The following OSBPL1A variants were observed in gnomAD, a reference collection of about 807,000 sequenced individuals.
The protein encoded by OSBPL1A is oxysterol-binding protein-related protein 1.
In OSBPL1A, 80 loss-of-function variants were observed where a neutral mutation model predicts 137.1. The ratio of observed to expected loss-of-function variants is 0.58; its 90% confidence interval spans 0.49 to 0.70. OSBPL1A has a LOEUF of 0.70. Among genes scored for constraint, OSBPL1A ranks in the 30% least tolerant of loss-of-function variants. The pLI is 0.00. For synonymous variants in OSBPL1A, 365 were observed against 389.7 expected (o/e 0.94, Z 0.75); for missense variants, 970 against 1,129.4 (o/e 0.86, Z 2.02).
intron 1 of OSBPL1A, among the ~76,000 whole-genome samples, chr18:24,393,688 C>T (rs1405841773): frequency 2.0e-5 from 3 of 152,174 alleles, no homozygotes; most frequent in African/African-American, 7.2e-5. Context: ...CTCCTGACCT[C>T]GTGATCCGCC....
intron 15 of OSBPL1A, chr18:24,272,333 C>T: frequency 1.0e-6 from 1 of 960,436 alleles, no homozygotes; most frequent in Non-Finnish European, 1.2e-6. Context: ...TCCTGCCTGT[C>T]ACTTACTCCG....
intron 1 of OSBPL1A, among the ~76,000 whole-genome samples, chr18:24,389,465 T>C (rs1216535273): frequency 6.6e-6 from 1 of 152,208 alleles, no homozygotes; most frequent in African/African-American, 2.4e-5. Context: ...TACTTGATAG[T>C]CTATGCCACT....
In OSBPL1A at chr18:24,366,916, A is replaced by T; in HGVS notation, c.258T>A (p.His86Gln). ...VLNDMGDTPL[H>Q]RAAFTGRKEL... is the part of the protein sequence containing the mutation. ...CCTTTCGTCCTGTAAAGGCAGCTCG[A>T]TGAAGCGGCGTGTCTCCCATGTCAT... Residue 86 changes from histidine to glutamine, a missense_variant, in exon 4 of 28, where the codon CAT becomes CAA. Coordinates refer to ENST00000319481, the MANE Select transcript of OSBPL1A (RefSeq NM_080597.4). The T allele has an allele frequency of 2.5e-6, 4 of 1,612,128 alleles. No individual in the cohort carries two copies. Among genetic ancestry groups the T allele is most frequent in the Non-Finnish European group, 3.4e-6 (4 of 1,179,112 alleles).
At chr18:24,168,042 T>C (rs1325467865) in intron 24 of OSBPL1A, among the ~76,000 whole-genome samples, 2 of 152,192 alleles carry the variant, frequency 1.3e-5, no homozygotes, top group African/African-American at 4.8e-5. Context: ...CTCGTTCCTA[T>C]AGGGTTTTAT....
chr18:24,259,745 C>A (rs574582834), intron 15 of OSBPL1A, among the ~76,000 whole-genome samples: 5 of 152,018 alleles, frequency 3.3e-5, no homozygotes, highest in African/African-American at 1.2e-4. Context: ...TTATAAAGCA[C>A]CACAGGCTAT....
At position 24,271,507 on chromosome 18, in the gene OSBPL1A, G is replaced by C. The variant is rs534120942; in HGVS notation, c.1281+9335C>G. 9 of 960,278 alleles carry C rather than the reference G, an allele frequency of 9.4e-6. No homozygotes were observed. The highest frequency in any genetic ancestry group is 3.5e-5 in the African/African-American group (2 of 56,812). The allele number at this position is 960,278 out of a possible 1,614,324, so 59.5% of individuals were successfully genotyped here. A position where few individuals can be genotyped will look rare whatever the true frequency, so the allele number is the denominator to read the frequency against. On this transcript the variant is annotated intron_variant, in intron 15 of 27. Coordinates refer to ENST00000319481, the MANE Select transcript of OSBPL1A (RefSeq NM_080597.4). This position sits in a 1 kb window ranked among gnomAD's most constrained non-coding sequence, Gnocchi z 4.0. ...GCACACACACGTCCAACTATTCTTGGATCTACTCACATCCCTGGATCAAGT... is the reference window on the plus strand; with the variant it reads ...GCACACACACGTCCAACTATTCTTGCATCTACTCACATCCCTGGATCAAGT...
intron 7 of OSBPL1A, among the ~76,000 whole-genome samples, chr18:24,332,617 G>A (rs2091102950): frequency 6.7e-6 from 1 of 149,852 alleles, no homozygotes. Flanking sequence ...TCATGAAAAT[G>A]TTGTGACCCA....
intron 15 of OSBPL1A, among the ~76,000 whole-genome samples, chr18:24,264,428 G>T (rs66790047): frequency 0.091 from 13,846 of 152,022 alleles, 1,203 homozygotes; most frequent in African/African-American, 0.23. Flanking sequence ...AGGGTGTAAC[G>T]CCAACTTATA....
intron 15 of OSBPL1A, among the ~76,000 whole-genome samples, chr18:24,254,113 T>C (rs1248148972): frequency 6.6e-6 from 1 of 152,246 alleles, no homozygotes; most frequent in African/African-American, 2.4e-5. Context: ...TATTTTACTG[T>C]CATAATTTCC....
At chr18:24,305,284 C>T (rs990628015) in intron 13 of OSBPL1A, among the ~76,000 whole-genome samples, 2 of 152,160 alleles carry the variant, frequency 1.3e-5, no homozygotes, top group Non-Finnish European at 2.9e-5. Context: ...ATACATGAAT[C>T]ACATTTATCT....
At position 24,379,920 on chromosome 18, in the gene OSBPL1A, G is replaced by T. The variant is rs928676861; in HGVS notation, c.-2-2385C>A. 8.6e-5 allele frequency among the ~76,000 whole-genome samples: 13 copies of T among 151,248 alleles called. No individual in the cohort carries two copies. The East Asian group carries it at 1.9e-3, about 22-fold the overall frequency. On this transcript the variant is annotated intron_variant, in intron 1 of 27. Coordinates refer to ENST00000319481, the MANE Select transcript of OSBPL1A (RefSeq NM_080597.4). ...TACAGCATTGAAAGGCCTAATGAGA[G>T]CCCAACAATTCTGGAAGATTTCTGA...
At chr18:24,247,927 C>T (rs2088952202) in intron 15 of OSBPL1A, among the ~76,000 whole-genome samples, 1 of 152,056 alleles carries the variant, frequency 6.6e-6, no homozygotes, top group Admixed American at 6.5e-5. Flanking sequence ...TGGAAGACAA[C>T]CCGGGTTGCT....
At chr18:24,365,656 G>C (rs371755699) in intron 4 of OSBPL1A, among the ~76,000 whole-genome samples, 9 of 152,164 alleles carry the variant, frequency 5.9e-5, no homozygotes, top group African/African-American at 1.9e-4. Context: ...GTGGTACCCT[G>C]GGGCATGGGA....
chr18:24,218,818 T>C (rs1023423187), intron 17 of OSBPL1A, among the ~76,000 whole-genome samples: 2 of 152,154 alleles, frequency 1.3e-5, no homozygotes, highest in Non-Finnish European at 1.5e-5. Context: ...TTTAAAGTGT[T>C]CTCACCATAA....
chr18:24,380,986 A>G (rs887797906), intron 1 of OSBPL1A, among the ~76,000 whole-genome samples: 3 of 151,984 alleles, frequency 2.0e-5, no homozygotes, highest in African/African-American at 7.2e-5. Context: ...AAAAAGAAAA[A>G]GTAAAAAGCT....
intron 18 of OSBPL1A, among the ~76,000 whole-genome samples, chr18:24,183,435 C>CTT (rs35407694): frequency 1.4e-5 from 2 of 139,266 alleles, no homozygotes; most frequent in Admixed American, 7.1e-5. Context: ...TTTTCTTTTT[C>CTT]TTTTTTTTTT....
Position 24,382,370 on chromosome 18 carries a change from G to A in OSBPL1A, c.-2-4835C>T, listed in dbSNP as rs373968504. 2.3e-4 allele frequency among the ~76,000 whole-genome samples: 33 copies of A among 142,032 alleles called. No homozygotes were observed. In the East Asian group the frequency reaches 5.3e-3, roughly 23 times the overall value. The allele number at this position is 142,032 out of a possible 152,430, so 93.2% of individuals were successfully genotyped here. On this transcript the variant is annotated intron_variant, in intron 1 of 27. Coordinates refer to ENST00000319481, the MANE Select transcript of OSBPL1A (RefSeq NM_080597.4). ...TGCAGTGAGCTGAGATTGTGCCACCGCACTCTAGCCTGGGCAACAGAGTGA... is the reference window on the plus strand; with the variant it reads ...TGCAGTGAGCTGAGATTGTGCCACCACACTCTAGCCTGGGCAACAGAGTGA...
At chr18:24,364,112 G>A (rs964147431) in intron 4 of OSBPL1A, among the ~76,000 whole-genome samples, 1 of 152,228 alleles carries the variant, frequency 6.6e-6, no homozygotes, top group African/African-American at 2.4e-5. Context: ...GGATGTGGAT[G>A]TCTTTGGAGG....
chr18:24,294,242 T>G (rs542889044), intron 14 of OSBPL1A, among the ~76,000 whole-genome samples: 16 of 150,924 alleles, frequency 1.1e-4, no homozygotes, highest in African/African-American at 3.2e-4. Flanking sequence ...GGTGGTGGTG[T>G]TGTTATTGAG....
Sources: allele counts gnomAD v4.1 joint callset (sites outside exome capture counted in the v4.1 genomes callset), GRCh38; gene constraint gnomAD v4.1.1; non-coding constraint Gnocchi (gnomAD v3.1); transcripts MANE v1.5; gene names NCBI Gene and HGNC (gene_info 2026-07-23, HGNC 2026-07-21).